The following TRDN variants were observed in gnomAD, a reference collection of about 807,000 sequenced individuals.
The protein encoded by TRDN is triadin in skeletal muscle.
TRDN carries 161 observed loss-of-function variants against 149.7 expected under a neutral mutation model. That is an observed-to-expected ratio of 1.08 (90% CI 0.95 to 1.23). TRDN has a LOEUF of 1.23. Among genes scored for constraint, TRDN ranks in the 50% most tolerant of loss-of-function variants. TRDN has a pLI of 0.00. For synonymous variants in TRDN, 294 were observed against 250.5 expected (o/e 1.17, Z -1.64); for missense variants, 896 against 823.5 (o/e 1.09, Z -1.08).
chr6:123,571,516 TTG>T (rs945745423), intron 1 of TRDN, among the ~76,000 whole-genome samples: 7 of 152,076 alleles, frequency 4.6e-5, no homozygotes, highest in Admixed American at 2.6e-4. Flanking sequence ...GTTTGTTTGT[TTG>T]TTTGTAGGGG....
At chr6:123,607,900 C>A (rs1048657678) in intron 1 of TRDN, among the ~76,000 whole-genome samples, 6 of 150,096 alleles carry the variant, frequency 4.0e-5, no homozygotes, top group African/African-American at 1.5e-4. Context: ...TGTTGCCCAG[C>A]CTGGTCTTGA....
chr6:123,290,310 G>C (rs1450929203), intron 24 of TRDN, among the ~76,000 whole-genome samples: 1 of 151,888 alleles, frequency 6.6e-6, no homozygotes, highest in Non-Finnish European at 1.5e-5. Context: ...ATTTTATCTA[G>C]TGTGTTTCTT....
chr6:123,305,939 A>G (rs1245396917), intron 24 of TRDN, among the ~76,000 whole-genome samples: 1 of 152,144 alleles, frequency 6.6e-6, no homozygotes, highest in Non-Finnish European at 1.5e-5. Context: ...AGTGGCTATA[A>G]CAAGTCTCAG....
chr6:123,403,839 G>C (rs570754568), intron 12 of TRDN, among the ~76,000 whole-genome samples: 2 of 152,034 alleles, frequency 1.3e-5, no homozygotes, highest in African/African-American at 4.8e-5. Flanking sequence ...CAGGAGAAAA[G>C]AGGAATTGAA....
intron 24 of TRDN, among the ~76,000 whole-genome samples, chr6:123,311,339 T>C (rs1229539211): frequency 2.0e-5 from 3 of 151,908 alleles, no homozygotes; most frequent in African/African-American, 7.3e-5. Flanking sequence ...TCCCAGTCCA[T>C]CCCTCAACAC....
chr6:123,439,057 A>G, intron 10 of TRDN, 54 bp from the exon 11 acceptor site: 1 of 1,411,808 alleles, frequency 7.1e-7, no homozygotes, highest in Non-Finnish European at 9.6e-7. Flanking sequence ...TGAAAGCAAA[A>G]CCAAGGTTGA....
intron 24 of TRDN, among the ~76,000 whole-genome samples, chr6:123,310,998 C>A (rs1486102537): frequency 1.3e-5 from 2 of 151,876 alleles, no homozygotes; most frequent in African/African-American, 2.4e-5. Flanking sequence ...AGCATAAACA[C>A]CAGCTTCAAA....
intron 9 of TRDN, among the ~76,000 whole-genome samples, chr6:123,473,575 A>G (rs1367526021): frequency 6.6e-6 from 1 of 151,940 alleles, no homozygotes; most frequent in Non-Finnish European, 1.5e-5. Flanking sequence ...CAACGTTCAG[A>G]TTCAGGAAAT....
intron 5 of TRDN, among the ~76,000 whole-genome samples, chr6:123,517,900 C>T (rs1779489257): frequency 6.6e-6 from 1 of 152,112 alleles, no homozygotes; most frequent in Non-Finnish European, 1.5e-5. Flanking sequence ...GTTAATATCT[C>T]TACTCAGTAA....
rs1782736694 is a variant in TRDN, at chr6:123,574,579, C to T, written c.23-3447G>A. ...ACCAATTATGAGTGTTTAGGACTGG[C>T]CCACCTGAAAGTTGATATGTTGTAA... On this transcript the variant is annotated intron_variant, in intron 1 of 40. Coordinates refer to ENST00000334268, the MANE Select transcript of TRDN (RefSeq NM_006073.4). Among the ~76,000 whole-genome samples the T allele has an allele frequency of 2.0e-5, 3 of 151,710 alleles. No homozygotes were observed. In the South Asian group the frequency reaches 6.2e-4, roughly 32 times the overall value.
chr6:123,558,170 C>A (rs1018032998), intron 2 of TRDN, among the ~76,000 whole-genome samples: 1 of 151,996 alleles, frequency 6.6e-6, no homozygotes, highest in Admixed American at 6.6e-5. Flanking sequence ...CAGCTTGTCC[C>A]AAACTTCCTT....
At chr6:123,555,685 C>T (rs1198529289) in intron 2 of TRDN, among the ~76,000 whole-genome samples, 1 of 152,092 alleles carries the variant, frequency 6.6e-6, no homozygotes, top group African/African-American at 2.4e-5. Context: ...ATTTTCCACA[C>T]AGAAGCATTT....
chr6:123,228,484 G>A (rs1395427000), intron 38 of TRDN, among the ~76,000 whole-genome samples: 1 of 151,880 alleles, frequency 6.6e-6, no homozygotes, highest in Non-Finnish European at 1.5e-5. Context: ...TTCACATGGT[G>A]GTAGGGAGAA....
At chr6:123,415,695 C>T (rs189569385) in intron 12 of TRDN, among the ~76,000 whole-genome samples, 1 of 151,992 alleles carries the variant, frequency 6.6e-6, no homozygotes, top group Non-Finnish European at 1.5e-5. Context: ...GTTGTAGAGA[C>T]CTAAGAAAGA....
chr6:123,387,928 TTA>T (rs1435234247), intron 14 of TRDN, among the ~76,000 whole-genome samples: 1 of 152,092 alleles, frequency 6.6e-6, no homozygotes, highest in Non-Finnish European at 1.5e-5. Flanking sequence ...AAGGAGTGTT[TTA>T]TATGTTTTTT....
chr6:123,240,290 G>A (rs892930444), intron 38 of TRDN, among the ~76,000 whole-genome samples: 2 of 151,448 alleles, frequency 1.3e-5, no homozygotes, highest in Non-Finnish European at 3.0e-5. Flanking sequence ...TTAGTAAGAG[G>A]GATAGGAAAT....
At chr6:123,570,873 T>C in intron 2 of TRDN, 50 bp downstream of exon 2, 1 of 1,566,092 alleles carries the variant, frequency 6.4e-7, no homozygotes, top group Non-Finnish European at 8.8e-7. Flanking sequence ...ACACTGTTTC[T>C]TTCCATTTGA....
intron 24 of TRDN, among the ~76,000 whole-genome samples, chr6:123,307,822 T>C (rs1317100010): frequency 6.6e-6 from 1 of 152,004 alleles, no homozygotes; most frequent in Non-Finnish European, 1.5e-5. Context: ...TTGTTCTCGG[T>C]TCTTTTCTTT....
At chr6:123,636,642 A>G (rs1401410926) in intron 1 of TRDN, 112 bp downstream of exon 1, 10 of 1,268,878 alleles carry the variant, frequency 7.9e-6, no homozygotes, top group Non-Finnish European at 1.1e-5. Context: ...ATCATTGACC[A>G]AGGCAATTAC....
Sources: gnomAD v4.1 joint callset for allele counts (sites outside exome capture counted in the v4.1 genomes callset) on GRCh38, gnomAD v4.1.1 for gene constraint, MANE v1.5 for transcripts, NCBI Gene and HGNC (gene_info 2026-07-23, HGNC 2026-07-21) for gene names.